The following ERH variants were observed in gnomAD, a reference collection of about 807,000 sequenced individuals.
The protein encoded by ERH is ERH mRNA splicing and mitosis factor, also known as enhancer of rudimentary homolog.
In ERH, 1 loss-of-function variant was observed where a neutral mutation model predicts 16.8. The ratio of observed to expected loss-of-function variants is 0.06; its 90% CI spans 0.02 to 0.28. The LOEUF is 0.28. Ranked by LOEUF, ERH falls within the 10% of genes least tolerant of loss-of-function variation. The pLI is 1.00. For missense variants in ERH, 42 were observed against 127.5 expected, an observed-to-expected ratio of 0.33 and a Z score of 3.23; for synonymous variants, 43 against 43.6, an observed-to-expected ratio of 0.99 and a Z score of 0.05.
At chr14:69,380,886 T>G (rs7148016) in intron 3 of ERH, among the ~76,000 whole-genome samples, 1,622 of 152,080 alleles carry the variant, frequency 0.011, 27 homozygotes, top group African/African-American at 0.037. Context: ...AAATGCCCAA[T>G]ATGTTACATA....
chr14:69,380,505 C>G lies in ERH; in HGVS notation c.*33G>C. On this transcript the variant is annotated 3_prime_UTR_variant, in exon 4 of 4. Transcript: ENST00000557016. ...ACGCTGTACACACCTGTGTTCCAAG[C>G]CCACCCCAACCCCCCCAGTGCTTCC... 1.1e-4 allele frequency: 101 copies of G among 920,624 alleles called. No homozygotes were observed. Among genetic ancestry groups the G allele is most frequent in the Non-Finnish European group, 1.6e-4 (87 of 551,174 alleles). 57.0% of individuals were successfully genotyped at this position (920,624 alleles called of 1,614,324 possible).
At chr14:69,395,317 G>C (rs1417515341) in intron 1 of ERH, among the ~76,000 whole-genome samples, 1 of 152,050 alleles carries the variant, frequency 6.6e-6, no homozygotes, top group Non-Finnish European at 1.5e-5. Flanking sequence ...AAAGTCATTA[G>C]GATACTTTTC....
chr14:69,383,005 A>T (rs2045872166), intron 3 of ERH, among the ~76,000 whole-genome samples: 3 of 152,206 alleles, frequency 2.0e-5, no homozygotes, highest in Non-Finnish European at 4.4e-5. Context: ...GTGAAATCAG[A>T]AATGTCTTCA....
intron 1 of ERH, 41 bp downstream of exon 1, chr14:69,398,190 C>G (rs748151044): frequency 1.2e-6 from 2 of 1,613,382 alleles, no homozygotes; most frequent in Middle Eastern, 1.7e-4. Flanking sequence ...GCTCTGGAGG[C>G]CGGGGACTCG....
chr14:69,392,059 C>T (rs544019347), intron 2 of ERH, among the ~76,000 whole-genome samples: 2 of 151,996 alleles, frequency 1.3e-5, no homozygotes, highest in South Asian at 2.1e-4. Flanking sequence ...GGAAAGAAGG[C>T]GTATGCTGGA....
chr14:69,398,121 A>C, intron 1 of ERH, 110 bp downstream of exon 1: 1 of 1,217,986 alleles, frequency 8.2e-7, no homozygotes, highest in South Asian at 1.5e-5. Context: ...AGTGGCGGGG[A>C]GCATCACGCG....
intron 1 of ERH, chr14:69,397,874 C>T (rs1280259391): frequency 2.6e-6 from 1 of 382,186 alleles, no homozygotes; most frequent in Non-Finnish European, 4.8e-6. Context: ...TCTGAGATCC[C>T]GCCACTGCAC....
rs950714219 is a variant in ERH at position 69,380,387 on chromosome 14, A to G, written c.*151T>C. ...AGGTAACGGGGGTTTCCGATTGAAC[A>G]AGATCCTCACATTTCATCTAATACA... On this transcript the variant is annotated 3_prime_UTR_variant, in exon 4 of 4. Transcript: ENST00000557016. The G allele has an allele frequency of 2.4e-5, 11 of 464,924 alleles. No homozygotes were observed. The East Asian group carries it at 3.3e-4, about 14-fold the overall frequency. The allele number at this position is 464,924 out of a possible 1,614,324, so 28.8% of individuals were successfully genotyped here. A position where few individuals can be genotyped will look rare whatever the true frequency, so the allele number is the denominator to read the frequency against.
At chr14:69,389,416 A>G (rs1175581039) in intron 2 of ERH, among the ~76,000 whole-genome samples, 2 of 152,228 alleles carry the variant, frequency 1.3e-5, no homozygotes, top group Non-Finnish European at 2.9e-5. Flanking sequence ...TGTATTCAAC[A>G]TTGTACTAGA....
chr14:69,395,505 T>A (rs752450121), intron 1 of ERH, among the ~76,000 whole-genome samples: 1 of 152,204 alleles, frequency 6.6e-6, no homozygotes, highest in African/African-American at 2.4e-5. Context: ...ATTATAAACC[T>A]GCTTAGGTTT....
Position 69,380,573 on chromosome 14 carries a change from G to C in ERH, c.280C>G (p.Leu94Val). The stretch of plus-strand genomic sequence containing the variant: ...GCCTGTTGGGCCTGCCGACGAAGGA[G>C]CACGTAGATCTTCTCTTTAATCCAG... ...KDWIKEKIYV[L>V]LRRQAQQAGK Residue 94 changes from leucine (L) to valine (V), a missense_variant, in exon 4 of 4, where the codon CTC becomes GTC. Transcript: ENST00000557016. 1 of 1,608,928 alleles carries C rather than the reference G, an allele frequency of 6.2e-7. No individual in the cohort carries two copies. Among genetic ancestry groups the C allele is most frequent in the Admixed American group, 1.7e-5 (1 of 59,534 alleles).
intron 3 of ERH, among the ~76,000 whole-genome samples, chr14:69,384,920 C>T (rs965890191): frequency 5.9e-5 from 9 of 152,118 alleles, no homozygotes; most frequent in African/African-American, 1.9e-4. Context: ...ATCTCATCTC[C>T]TACCCTCTCT....
chr14:69,381,845 C>T (rs1430452910), intron 3 of ERH, among the ~76,000 whole-genome samples: 7 of 152,154 alleles, frequency 4.6e-5, no homozygotes, highest in Non-Finnish European at 7.3e-5. Flanking sequence ...TGTGCCACCA[C>T]GTCCAGCTAA....
At chr14:69,381,441 A>C (rs1041937701) in intron 3 of ERH, among the ~76,000 whole-genome samples, 1 of 152,244 alleles carries the variant, frequency 6.6e-6, no homozygotes, top group African/African-American at 2.4e-5. Flanking sequence ...GCTTTTTAAA[A>C]TAAATAATGC....
At chr14:69,394,057 T>C (rs1193373422) in intron 2 of ERH, among the ~76,000 whole-genome samples, 3 of 151,196 alleles carry the variant, frequency 2.0e-5, no homozygotes, top group Non-Finnish European at 4.4e-5. Context: ...TTTACTACTA[T>C]GCCATATATC....
Position 69,398,258 on chromosome 14 carries a change from C to G in ERH, c.-25G>C. ...TCGCGCCAAACTCTCTTCGCTACAG[C>G]AGCTGCCGACACCGCCGCCGTTACA... On this transcript the variant is annotated 5_prime_UTR_variant, in exon 1 of 4. Transcript: ENST00000557016. 2 of 1,613,368 alleles carry G rather than the reference C, an allele frequency of 1.2e-6. No homozygotes were observed. The highest frequency in any genetic ancestry group is 1.7e-6 in the Non-Finnish European group (2 of 1,179,872).
intron 3 of ERH, among the ~76,000 whole-genome samples, 165 bp from the exon 4 acceptor site, chr14:69,380,805 G>A (rs892831973): frequency 6.6e-6 from 1 of 152,130 alleles, no homozygotes; most frequent in Non-Finnish European, 1.5e-5. Flanking sequence ...AATTTTAAGT[G>A]ACATGAACTT....
At chr14:69,388,490 A>T (rs555656208) in intron 2 of ERH, among the ~76,000 whole-genome samples, 1 of 151,970 alleles carries the variant, frequency 6.6e-6, no homozygotes, top group South Asian at 2.1e-4. Flanking sequence ...CCCCCCAAGT[A>T]GCTGGGATTA....
intron 3 of ERH, among the ~76,000 whole-genome samples, chr14:69,386,492 T>C (rs2045894006): frequency 6.6e-6 from 1 of 152,192 alleles, no homozygotes; most frequent in Admixed American, 6.5e-5. Context: ...AGATTATCAA[T>C]ACAAACTATA....
Sources: allele counts gnomAD v4.1 joint callset (sites outside exome capture counted in the v4.1 genomes callset), GRCh38; gene constraint gnomAD v4.1.1; transcripts MANE v1.5; gene names NCBI Gene and HGNC (gene_info 2026-07-23, HGNC 2026-07-21).